The following CCSER1 variants were observed in gnomAD, a reference collection of about 807,000 sequenced individuals.
The protein encoded by CCSER1 is coiled-coil serine rich protein 1.
A neutral mutation model predicts 82.0 loss-of-function variants in CCSER1; 41 were observed. That is an observed-to-expected ratio of 0.50 (90% CI 0.39 to 0.65). CCSER1 has a LOEUF of 0.65. CCSER1 is among the 30% of genes least tolerant of loss of function. The pLI is 0.00. For missense variants in CCSER1, 1,119 were observed against 1,064.2 expected (o/e 1.05, Z -0.72); for synonymous variants, 414 against 383.9 (o/e 1.08, Z -0.92).
At chr4:91,535,519 C>A (rs1476976647) in intron 10 of CCSER1, among the ~76,000 whole-genome samples, 2 of 152,010 alleles carry the variant, frequency 1.3e-5, no homozygotes, top group Non-Finnish European at 2.9e-5. Context: ...TATTCTCATT[C>A]TGCTCAATGT....
intron 6 of CCSER1, among the ~76,000 whole-genome samples, chr4:90,653,347 G>A (rs1729128996): frequency 6.6e-6 from 1 of 152,036 alleles, no homozygotes; most frequent in Non-Finnish European, 1.5e-5. Flanking sequence ...ACCTAAGAAA[G>A]AATAGAGGAG....
chr4:90,641,247 A>G (rs1015908964), intron 6 of CCSER1, among the ~76,000 whole-genome samples: 1 of 152,182 alleles, frequency 6.6e-6, no homozygotes, highest in Non-Finnish European at 1.5e-5. Context: ...TATGGAGTTA[A>G]AAATATGCAA....
chr4:90,932,980 A>AAGAAAGAAAGAGAGAG, intron 9 of CCSER1, among the ~76,000 whole-genome samples: 1 of 21,978 alleles, frequency 4.6e-5, no homozygotes, highest in South Asian at 1.4e-3. Flanking sequence ...GAAAGAAAGA[A>AAGAAAGAAAGAGAGAG]AGAGAAAGAA....
At chr4:90,634,839 A>G (rs1343753538) in intron 6 of CCSER1, among the ~76,000 whole-genome samples, 1 of 151,852 alleles carries the variant, frequency 6.6e-6, no homozygotes, top group Admixed American at 6.6e-5. Flanking sequence ...ATGTTTATTT[A>G]TTTATTTTTG....
chr4:91,458,061 T>C (rs947091264), intron 10 of CCSER1, among the ~76,000 whole-genome samples: 5 of 152,196 alleles, frequency 3.3e-5, no homozygotes, highest in Non-Finnish European at 5.9e-5. Context: ...GAGGTCTTTC[T>C]CAAGAAATCT....
At chr4:91,146,806 T>C (rs1202977475) in intron 10 of CCSER1, among the ~76,000 whole-genome samples, 1 of 152,068 alleles carries the variant, frequency 6.6e-6, no homozygotes, top group Admixed American at 6.6e-5. Flanking sequence ...GGTGGTGTAG[T>C]TTAGACTGTG....
chr4:90,999,181 T>TGCGATGAACATGTG (rs1462997635), intron 9 of CCSER1, among the ~76,000 whole-genome samples: 2 of 152,216 alleles, frequency 1.3e-5, no homozygotes, highest in Non-Finnish European at 2.9e-5. Flanking sequence ...TGAATAGTAT[T>TGCGATGAACATGTG]GCGATGAACA....
intron 1 of CCSER1, among the ~76,000 whole-genome samples, chr4:90,160,165 CA>C (rs960016576): frequency 7.9e-5 from 12 of 152,166 alleles, no homozygotes; most frequent in Admixed American, 2.0e-4. Flanking sequence ...TTGCTCTCTT[CA>C]AAACAGTCCT....
intron 10 of CCSER1, among the ~76,000 whole-genome samples, chr4:91,298,195 C>T (rs944533112): frequency 3.3e-5 from 5 of 152,064 alleles, no homozygotes; most frequent in South Asian, 2.1e-4. Flanking sequence ...GTCAGATTTC[C>T]GTGCAAGTAT....
chr4:91,008,073 A>G (rs1182944022), intron 9 of CCSER1, among the ~76,000 whole-genome samples: 1 of 152,070 alleles, frequency 6.6e-6, no homozygotes, highest in Non-Finnish European at 1.5e-5. Flanking sequence ...CTAGTTTCAT[A>G]CACTGTGATT....
chr4:90,985,333 T>C (rs1333253953), intron 9 of CCSER1, among the ~76,000 whole-genome samples: 1 of 151,694 alleles, frequency 6.6e-6, no homozygotes, highest in African/African-American at 2.4e-5. Context: ...TTTTTACCTT[T>C]ACTGTTTAGA....
chr4:91,134,598 G>A (rs991343549), intron 10 of CCSER1, among the ~76,000 whole-genome samples: 1 of 151,968 alleles, frequency 6.6e-6, no homozygotes, highest in East Asian at 1.9e-4. Flanking sequence ...AAATAAATGG[G>A]GAGATTGGAA....
chr4:90,212,442 G>A (rs1269418379), intron 1 of CCSER1, among the ~76,000 whole-genome samples: 1 of 152,032 alleles, frequency 6.6e-6, no homozygotes, highest in Non-Finnish European at 1.5e-5. Flanking sequence ...TTCACATCAA[G>A]TTTGCTTTCT....
At chr4:91,553,733 ATCTT>A (rs1239786336) in intron 10 of CCSER1, among the ~76,000 whole-genome samples, 2 of 150,980 alleles carry the variant, frequency 1.3e-5, no homozygotes, top group Admixed American at 6.6e-5. Context: ...TAGCCTCATA[ATCTT>A]TCTAATTCTG....
At chr4:90,366,215 T>A (rs1746257783) in intron 3 of CCSER1, among the ~76,000 whole-genome samples, 1 of 151,844 alleles carries the variant, frequency 6.6e-6, no homozygotes, top group Non-Finnish European at 1.5e-5. Flanking sequence ...TAATTATGTT[T>A]CCAAATAAAT....
chr4:90,257,161 A>G (rs1723463101), intron 1 of CCSER1, among the ~76,000 whole-genome samples: 1 of 151,996 alleles, frequency 6.6e-6, no homozygotes, highest in Non-Finnish European at 1.5e-5. Flanking sequence ...TTAACAAACA[A>G]AGGAAAGGAG....
At chr4:90,135,762 CATT>C (rs1251304332) in intron 1 of CCSER1, among the ~76,000 whole-genome samples, 1 of 152,190 alleles carries the variant, frequency 6.6e-6, no homozygotes, top group Non-Finnish European at 1.5e-5. Flanking sequence ...CATGCATCAT[CATT>C]GACAATAAAT....
intron 10 of CCSER1, among the ~76,000 whole-genome samples, chr4:91,508,260 A>C (rs905893532): frequency 6.7e-6 from 1 of 149,810 alleles, no homozygotes; most frequent in South Asian, 2.1e-4. Context: ...TCACATATGA[A>C]ATTTGAAGAA....
chr4:91,153,175 A>G (rs1167371476), intron 10 of CCSER1, among the ~76,000 whole-genome samples: 4 of 151,922 alleles, frequency 2.6e-5, no homozygotes, highest in Non-Finnish European at 5.9e-5. Flanking sequence ...GTCTTTTCAC[A>G]TAGTCCCATA....
Sources: allele counts gnomAD v4.1 joint callset (sites outside exome capture counted in the v4.1 genomes callset), GRCh38; gene constraint gnomAD v4.1.1; transcripts MANE v1.5; gene names NCBI Gene and HGNC (gene_info 2026-07-23, HGNC 2026-07-21).